Variants in TMEM217B observed in about 807,000 individuals in gnomAD.
TMEM217B encodes the protein putative transmembrane protein 217B.
chr6:37,237,974 C>G, the TMEM217B span, among the ~76,000 whole-genome samples: 3 of 151,998 alleles, frequency 2.0e-5, no homozygotes, highest in Non-Finnish European at 4.4e-5. Context: ...ACCATACAGC[C>G]AGATGCAAAT....
the TMEM217B span, among the ~76,000 whole-genome samples, chr6:37,217,178 C>G: frequency 6.6e-6 from 1 of 152,184 alleles, no homozygotes; most frequent in Non-Finnish European, 1.5e-5. Context: ...CCTGTAATCC[C>G]AGCTATTCAG....
chr6:37,257,924 G>T, the TMEM217B span: 23 of 1,613,822 alleles, frequency 1.4e-5, no homozygotes, highest in South Asian at 2.2e-4. Flanking sequence ...AGCAATGGCC[G>T]CTGAGAACAG....
chr6:37,256,503 G>T, the TMEM217B span, among the ~76,000 whole-genome samples: 1 of 152,136 alleles, frequency 6.6e-6, no homozygotes, highest in South Asian at 2.1e-4. Flanking sequence ...TGGGTTAAAT[G>T]CCCATAAAGA....
chr6:37,231,918 A>T, the TMEM217B span, among the ~76,000 whole-genome samples: 4 of 151,790 alleles, frequency 2.6e-5, no homozygotes, highest in South Asian at 8.3e-4. Context: ...CTAAAAAAAA[A>T]TTACAGAATC....
chr6:37,219,989 C>A, the TMEM217B span, among the ~76,000 whole-genome samples: 1 of 152,020 alleles, frequency 6.6e-6, no homozygotes, highest in African/African-American at 2.4e-5. Flanking sequence ...AAATTTAGAG[C>A]CCTAGGATAG....
At chr6:37,218,452 C>T in the TMEM217B span, 3 of 1,611,436 alleles carry the variant, frequency 1.9e-6, no homozygotes, top group East Asian at 2.2e-5. Context: ...ACTGGGATTC[C>T]AGGTGTGAGC....
chr6:37,217,450 T>C, the TMEM217B span, among the ~76,000 whole-genome samples: 11 of 150,964 alleles, frequency 7.3e-5, no homozygotes, highest in African/African-American at 2.7e-4. Context: ...AAAATTCTCA[T>C]AGTCATTCAT....
At chr6:37,223,001 T>C in the TMEM217B span, among the ~76,000 whole-genome samples, 1 of 152,094 alleles carries the variant, frequency 6.6e-6, no homozygotes, top group Non-Finnish European at 1.5e-5. Flanking sequence ...TCAGTGGACA[T>C]AAATGGTAGC....
At chr6:37,250,137 G>A in the TMEM217B span, among the ~76,000 whole-genome samples, 1 of 152,102 alleles carries the variant, frequency 6.6e-6, no homozygotes, top group African/African-American at 2.4e-5. Flanking sequence ...TCTAAAAGAA[G>A]CAGGCAACAG....
chr6:37,257,106 G>T, the TMEM217B span, among the ~76,000 whole-genome samples: 1 of 152,152 alleles, frequency 6.6e-6, no homozygotes, highest in African/African-American at 2.4e-5. Flanking sequence ...AATCTGAGTT[G>T]GACAGCTATC....
At chr6:37,257,764 G>C in the TMEM217B span, 2 of 768,876 alleles carry the variant, frequency 2.6e-6, no homozygotes, top group Non-Finnish European at 4.2e-6. Context: ...CTGGGTGGAG[G>C]GGTGCCCACA....
chr6:37,215,579 A>G, the TMEM217B span, among the ~76,000 whole-genome samples: 1 of 20,820 alleles, frequency 4.8e-5, no homozygotes, highest in Non-Finnish European at 9.7e-5. Context: ...TCAAAAAAAA[A>G]AAAAAAAAAA....
At chr6:37,257,988 C>G in the TMEM217B span, 2 of 1,613,746 alleles carry the variant, frequency 1.2e-6, no homozygotes, top group Admixed American at 3.3e-5. Flanking sequence ...GCCCAGGACG[C>G]TGAGAGGGAT....
chr6:37,218,378 C>T, the TMEM217B span: 28 of 1,424,848 alleles, frequency 2.0e-5, no homozygotes, highest in East Asian at 6.4e-4. Flanking sequence ...GCCATGGCTG[C>T]CAAGGCCAGG....
At chr6:37,253,047 C>T in the TMEM217B span, among the ~76,000 whole-genome samples, 30 of 152,238 alleles carry the variant, frequency 2.0e-4, no homozygotes, top group Non-Finnish European at 2.5e-4. Context: ...AATTTTTCCA[C>T]GTTTTCTTCC....
the TMEM217B span, among the ~76,000 whole-genome samples, chr6:37,236,560 CA>C: frequency 6.6e-6 from 1 of 152,000 alleles, no homozygotes; most frequent in Non-Finnish European, 1.5e-5. Context: ...CGCAAATTTG[CA>C]AGTCAAATGC....
chr6:37,245,543 C>T, the TMEM217B span, among the ~76,000 whole-genome samples: 5 of 152,238 alleles, frequency 3.3e-5, 1 homozygote, highest in Admixed American at 3.3e-4. Context: ...AAATAAGTAG[C>T]TGGCATTTTC....
At chr6:37,223,395 G>A in the TMEM217B span, among the ~76,000 whole-genome samples, 2 of 152,172 alleles carry the variant, frequency 1.3e-5, no homozygotes, top group African/African-American at 4.8e-5. Flanking sequence ...AAGACCAACA[G>A]TTATAGACTT....
At chr6:37,219,872 G>A in the TMEM217B span, among the ~76,000 whole-genome samples, 1 of 152,180 alleles carries the variant, frequency 6.6e-6, no homozygotes, top group Non-Finnish European at 1.5e-5. Flanking sequence ...CAAGAACCCT[G>A]TTGGGTGGAG....
Sources: gnomAD v4.1 joint callset for allele counts (sites outside exome capture counted in the v4.1 genomes callset) on GRCh38, gnomAD v4.1.1 for gene constraint, MANE v1.5 for transcripts, NCBI Gene and HGNC (gene_info 2026-07-23, HGNC 2026-07-21) for gene names.